SEMA3C: variants seen among roughly 807,000 people sequenced by gnomAD.
SEMA3C encodes the protein semaphorin-3C.
A neutral mutation model predicts 89.4 loss-of-function variants in SEMA3C; 47 were observed. That is an observed-to-expected ratio of 0.53 (90% CI 0.42 to 0.67). SEMA3C has a LOEUF of 0.67. SEMA3C is among the 30% of genes least tolerant of loss of function. The pLI is 0.00. For missense variants in SEMA3C, 839 were observed against 929.1 expected (o/e 0.90, Z 1.26); for synonymous variants, 310 against 320.2 (o/e 0.97, Z 0.34).
Position 80,757,753 on chromosome 7 carries a change from G to A in SEMA3C, c.1643+578C>T, listed in dbSNP as rs1223572428. Among the ~76,000 whole-genome samples the A allele has an allele frequency of 2.6e-5, 4 of 152,072 alleles. No homozygotes were observed. The East Asian group carries it at 5.8e-4, about 22-fold the overall frequency. ...TGGGAGGCCAAGGCAGGTGGATCAC[G>A]AGGTCAGGAGTTCAAGGCCAGCCTG... On this transcript the variant is annotated intron_variant, in intron 15 of 17. Transcript: ENST00000265361.
chr7:80,786,580 A>G (rs1156688603), intron 12 of SEMA3C, among the ~76,000 whole-genome samples: 2 of 152,192 alleles, frequency 1.3e-5, no homozygotes, highest in Non-Finnish European at 2.9e-5. Context: ...CACAAACTCT[A>G]AGTTGAATGA....
At chr7:80,895,988 G>C in intron 2 of SEMA3C, among the ~76,000 whole-genome samples, 1 of 151,566 alleles carries the variant, frequency 6.6e-6, no homozygotes, top group South Asian at 2.1e-4. Context: ...GAAATATTGT[G>C]AAATAAAAAG....
At chr7:80,828,311 C>T (rs1789923663) in intron 3 of SEMA3C, among the ~76,000 whole-genome samples, 1 of 151,940 alleles carries the variant, frequency 6.6e-6, no homozygotes, top group Non-Finnish European at 1.5e-5. Flanking sequence ...CATGCACTAC[C>T]CTATAATCCC....
At chr7:80,870,145 G>A (rs1343282775) in intron 2 of SEMA3C, among the ~76,000 whole-genome samples, 1 of 152,068 alleles carries the variant, frequency 6.6e-6, no homozygotes, top group Non-Finnish European at 1.5e-5. Flanking sequence ...TGTGCTACAT[G>A]AGCACTCCTA....
chr7:80,920,355 A>G (rs998181051), upstream of SEMA3C, among the ~76,000 whole-genome samples: 1 of 152,200 alleles, frequency 6.6e-6, no homozygotes, highest in South Asian at 2.1e-4. Flanking sequence ...GTGGAGTGTA[A>G]TATCTCCACC....
At chr7:80,776,332 T>C (rs982177293) in intron 12 of SEMA3C, among the ~76,000 whole-genome samples, 1 of 151,674 alleles carries the variant, frequency 6.6e-6, no homozygotes, top group Non-Finnish European at 1.5e-5. Context: ...TCTGCAATAA[T>C]GTCCTCTATT....
rs1308035224 is a variant in SEMA3C, at chr7:80,918,930, C to T, written c.-141G>A. ...TCCCAGACGACCTTATTTTCTAGCA[C>T]GTCGCAAAGGTGAAATTCTTTCTTC... On this transcript the variant is annotated 5_prime_UTR_variant, in exon 1 of 18. In the 5' UTR this introduces an upstream ATG that the reference lacks. Transcript: ENST00000265361. The T allele has an allele frequency of 1.0e-6, 1 of 985,330 alleles. No individual in the cohort carries two copies. 61.0% of individuals were successfully genotyped at this position (985,330 alleles called of 1,614,324 possible).
intron 5 of SEMA3C, among the ~76,000 whole-genome samples, chr7:80,813,919 GGT>G (rs1789533691): frequency 6.6e-6 from 1 of 151,954 alleles, no homozygotes; most frequent in Admixed American, 6.6e-5. Flanking sequence ...TGACAATTAT[GGT>G]ACAAAACTCA....
intron 2 of SEMA3C, among the ~76,000 whole-genome samples, chr7:80,865,726 G>C (rs1488213278): frequency 6.6e-6 from 1 of 152,210 alleles, no homozygotes; most frequent in East Asian, 1.9e-4. Context: ...ACCCGGGAGG[G>C]GGGGTTACAG....
chr7:80,807,206 C>G (rs1191412663), intron 6 of SEMA3C, among the ~76,000 whole-genome samples: 1 of 151,898 alleles, frequency 6.6e-6, no homozygotes, highest in Non-Finnish European at 1.5e-5. Context: ...ATTCAATTAA[C>G]CATTAAACTG....
Position 80,909,469 on chromosome 7 carries a change from C to T in SEMA3C, c.103+7210G>A, listed in dbSNP as rs1321518943. On this transcript the variant is annotated intron_variant, in intron 2 of 17. Transcript: ENST00000265361. ...TCATTTTTATCAGAAAATAGTTGTACTAAGGTAGTAATTTAGAAATTAATT... is the reference window on the plus strand; with the variant it reads ...TCATTTTTATCAGAAAATAGTTGTATTAAGGTAGTAATTTAGAAATTAATT... 2.5e-4 allele frequency among the ~76,000 whole-genome samples: 38 copies of T among 152,028 alleles called. 1 individual carries two copies. Among genetic ancestry groups the T allele is most frequent in the Admixed American group, 2.4e-3 (37 of 15,260 alleles).
chr7:80,813,950 T>G (rs559751555), intron 5 of SEMA3C, among the ~76,000 whole-genome samples: 2 of 152,318 alleles, frequency 1.3e-5, no homozygotes, highest in East Asian at 3.9e-4. Flanking sequence ...TTTTTAGACC[T>G]CATTTTACTT....
intron 4 of SEMA3C, among the ~76,000 whole-genome samples, chr7:80,820,902 C>T (rs761034373): frequency 1.3e-5 from 2 of 152,068 alleles, no homozygotes; most frequent in Non-Finnish European, 1.5e-5. Context: ...ATAAATAATT[C>T]AATCCAATTC....
intron 2 of SEMA3C, among the ~76,000 whole-genome samples, chr7:80,910,850 A>C (rs1323541101): frequency 6.6e-6 from 1 of 152,060 alleles, no homozygotes; most frequent in Non-Finnish European, 1.5e-5. Context: ...ATGAAAAAGA[A>C]CATCTGAATC....
intron 2 of SEMA3C, among the ~76,000 whole-genome samples, chr7:80,863,336 T>C: frequency 7.2e-6 from 1 of 139,386 alleles, no homozygotes; most frequent in Non-Finnish European, 1.6e-5. Context: ...ATAATCAAAA[T>C]ATTAAAAAAA....
chr7:80,815,326 G>C (rs1453555687), intron 5 of SEMA3C, among the ~76,000 whole-genome samples: 3 of 152,018 alleles, frequency 2.0e-5, no homozygotes, highest in Non-Finnish European at 4.4e-5. Flanking sequence ...TTTGGTCACT[G>C]AGGAATCTGC....
intron 2 of SEMA3C, among the ~76,000 whole-genome samples, chr7:80,911,838 A>G (rs1490081177): frequency 2.0e-5 from 3 of 151,978 alleles, no homozygotes; most frequent in Non-Finnish European, 4.4e-5. Context: ...TATCACCACG[A>G]TAGCCAGCAT....
chr7:80,760,902 T>C (rs549028175), intron 14 of SEMA3C, among the ~76,000 whole-genome samples: 5 of 152,346 alleles, frequency 3.3e-5, no homozygotes, highest in African/African-American at 1.2e-4. Context: ...CCATTCTCAC[T>C]ATATTACTCT....
At chr7:80,864,388 T>C (rs1281854336) in intron 2 of SEMA3C, among the ~76,000 whole-genome samples, 1 of 151,682 alleles carries the variant, frequency 6.6e-6, no homozygotes, top group African/African-American at 2.4e-5. Context: ...CAATAACTTA[T>C]GAAAAAATAA....
Sources: gnomAD v4.1 joint callset for allele counts (sites outside exome capture counted in the v4.1 genomes callset) on GRCh38, gnomAD v4.1.1 for gene constraint, MANE v1.5 for transcripts, NCBI Gene and HGNC (gene_info 2026-07-23, HGNC 2026-07-21) for gene names.